THUMPD3: variants seen among roughly 807,000 people sequenced by gnomAD.
THUMPD3 encodes the protein THUMP domain 3 tRNA guanosine methyltransferase.
A neutral mutation model predicts 54.5 loss-of-function variants in THUMPD3; 44 were observed. That is an observed-to-expected ratio of 0.81 (90% confidence interval 0.63 to 1.04). The LOEUF (loss-of-function observed/expected upper bound fraction) is 1.04. Ranked by LOEUF, THUMPD3 falls within the 50% of genes least tolerant of loss-of-function variation. The pLI, the probability that THUMPD3 is intolerant of heterozygous loss-of-function variation, is 0.00. For missense variants in THUMPD3, 604 were observed against 601.3 expected (o/e 1.00, Z -0.05); for synonymous variants, 196 against 201.4 (o/e 0.97, Z 0.23).
At chr3:9,363,181 T>C (rs925822879) in intron 1 of THUMPD3, 54 bp downstream of exon 1, 1 of 152,244 alleles carries the variant, frequency 6.6e-6, no homozygotes, top group African/African-American at 2.4e-5. Context: ...TGTTTCAGCT[T>C]GGGGAGAGAG....
At chr3:9,379,398 T>TA (rs1257148953) in intron 6 of THUMPD3, among the ~76,000 whole-genome samples, 1 of 152,130 alleles carries the variant, frequency 6.6e-6, no homozygotes, top group Non-Finnish European at 1.5e-5. Flanking sequence ...AAGAAAAAGT[T>TA]ATGAAACACT....
chr3:9,371,634 A>G, intron 4 of THUMPD3, 98 bp downstream of exon 4: 1 of 1,055,574 alleles, frequency 9.5e-7, no homozygotes, highest in East Asian at 2.4e-5. Context: ...AACTGAGGAA[A>G]TAGTAGGGTG....
rs1481199479 is a variant in THUMPD3, at chr3:9,371,217, A to C, written c.488A>C (p.Glu163Ala). 5 of 1,611,312 alleles carry C rather than the reference A, an allele frequency of 3.1e-6. No homozygotes were observed. Among genetic ancestry groups the C allele is most frequent in the Non-Finnish European group, 4.2e-6 (5 of 1,179,402 alleles). The change falls in exon 4 of 10, where the codon GAA becomes GCA. Residue 163 changes from glutamate to alanine, a missense_variant. Physicochemically the swap from Glu to Ala is moderately radical, Grantham distance 107. Transcript: ENST00000452837. The part of the protein sequence containing the change: ...SSKEKINNGQ[E>A]VKIDQRNVKK... ...AAAGAGAAGATTAATAATGGACAAG[A>C]AGTCAAAATCGATCAGAGAAATGTT...
rs1294848165 is a variant in THUMPD3, at chr3:9,385,173, T to C, written c.*485T>C. 6.5e-6 allele frequency: 1 copy of C among 154,136 alleles called. No homozygotes were observed. Among genetic ancestry groups the C allele is most frequent in the Non-Finnish European group, 1.4e-5 (1 of 69,310 alleles). 9.5% of individuals were successfully genotyped at this position (154,136 alleles called of 1,614,324 possible). On this transcript the variant is annotated 3_prime_UTR_variant, in exon 10 of 10. Transcript: ENST00000452837. ...TTTTATAAGAAAGCAGAGCTTTTCC[T>C]TGAAGCTCTTTTGAAGTGGTAGCTT...
intron 7 of THUMPD3, among the ~76,000 whole-genome samples, chr3:9,381,756 CTTTTTTTTTTTTTTTTTTTTTTTTTT>C (rs753480713): frequency 1.8e-4 from 8 of 44,370 alleles, no homozygotes; most frequent in Admixed American, 1.0e-3. Flanking sequence ...TCAACCCGTA[CTTTTTTTTTTTTTTTTTTTTTTTTTT>C]TTTTTTTTTT....
intron 7 of THUMPD3, among the ~76,000 whole-genome samples, chr3:9,381,799 A>T (rs2032928182): frequency 3.5e-5 from 2 of 57,790 alleles, no homozygotes; most frequent in East Asian, 5.0e-4. Context: ...TTTTTTTTTG[A>T]GACGGAGTCT....
intron 9 of THUMPD3, 34 bp from the exon 10 acceptor site, chr3:9,384,490 C>A: frequency 1.2e-6 from 2 of 1,611,940 alleles, no homozygotes; most frequent in South Asian, 2.2e-5. Flanking sequence ...AGTAGATTGT[C>A]AACCTAATTG....
chr3:9,366,024 T>C (rs1335510154), intron 2 of THUMPD3, among the ~76,000 whole-genome samples: 1 of 152,184 alleles, frequency 6.6e-6, no homozygotes, highest in East Asian at 1.9e-4. Flanking sequence ...TGCTACATTT[T>C]TAGAGGTGAT....
At chr3:9,379,085 A>C (rs2032682201) in intron 6 of THUMPD3, among the ~76,000 whole-genome samples, 1 of 152,186 alleles carries the variant, frequency 6.6e-6, no homozygotes, top group African/African-American at 2.4e-5. Flanking sequence ...ATAAATTGAC[A>C]AGGTATATAT....
rs1176640338 is a variant in THUMPD3, at chr3:9,374,647, G to A, written c.938+1G>A. The A allele has an allele frequency of 6.2e-7, 1 of 1,612,818 alleles. No individual in the cohort carries two copies. Among genetic ancestry groups the A allele is most frequent in the South Asian group, 1.1e-5 (1 of 90,922 alleles). On this transcript the variant is annotated splice_donor_variant, in intron 5 of 9. Transcript: ENST00000452837. LOFTEE classifies it high-confidence loss of function. Reference sequence around the variant, plus strand: ...CAACTCTTGCCTATGGGATGCTCAGGTAAGAAAATGAGTTTGCCATCCAGC... The same window carrying A: ...CAACTCTTGCCTATGGGATGCTCAGATAAGAAAATGAGTTTGCCATCCAGC...
At chr3:9,368,257 C>G (rs1254641773) in intron 3 of THUMPD3, among the ~76,000 whole-genome samples, 1 of 151,792 alleles carries the variant, frequency 6.6e-6, no homozygotes. Flanking sequence ...TGGTCTCAAA[C>G]TTCTGGGCTC....
At chr3:9,366,252 A>G (rs1168775233) in intron 2 of THUMPD3, among the ~76,000 whole-genome samples, 1 of 152,200 alleles carries the variant, frequency 6.6e-6, no homozygotes, top group Non-Finnish European at 1.5e-5. Context: ...GAAAACTGCA[A>G]TCTCACTATC....
intron 7 of THUMPD3, 74 bp from the exon 8 acceptor site, chr3:9,383,122 TCTC>T (rs1277779238): frequency 3.2e-6 from 3 of 926,890 alleles, no homozygotes; most frequent in Non-Finnish European, 5.3e-6. Flanking sequence ...TGTAGCAGTC[TCTC>T]TTCAGAAACA....
chr3:9,384,724 A>G lies in THUMPD3; in HGVS notation c.*36A>G. 1.9e-6 allele frequency: 3 copies of G among 1,610,208 alleles called. No individual in the cohort carries two copies. In the South Asian group the frequency reaches 3.3e-5, roughly 18 times the overall value. ...TAGTACTTGTACTTCCCACCACTGGAAATGTTAGCATAAAAGAACTTGGAG... is the reference window on the plus strand; with the variant it reads ...TAGTACTTGTACTTCCCACCACTGGGAATGTTAGCATAAAAGAACTTGGAG... On this transcript the variant is annotated 3_prime_UTR_variant, in exon 10 of 10. Coordinates refer to ENST00000452837, the MANE Select transcript of THUMPD3 (RefSeq NM_001114092.2).
chr3:9,383,474 A>C (rs551639315), intron 8 of THUMPD3, among the ~76,000 whole-genome samples, 165 bp downstream of exon 8: 75 of 152,340 alleles, frequency 4.9e-4, no homozygotes, highest in African/African-American at 1.7e-3. Flanking sequence ...GAACTCAGGA[A>C]TGTATTAACT....
rs1318255998 is a variant in THUMPD3 at position 9,365,101 on chromosome 3, C to G, written c.33C>G (p.Leu11=). Residue 11 remains leucine, a synonymous_variant, in exon 2 of 10, where the codon CTC becomes CTG. Coordinates refer to ENST00000452837, the MANE Select transcript of THUMPD3 (RefSeq NM_001114092.2). MCDIEEATNQ[L]LDVNLHENQK... ...ACATTGAAGAAGCCACTAACCAACT[C>G]CTAGATGTGAACCTTCATGAGAACC... 1 of 1,614,186 alleles carries G rather than the reference C, an allele frequency of 6.2e-7. No individual in the cohort carries two copies. Among genetic ancestry groups the G allele is most frequent in the Non-Finnish European group, 8.5e-7 (1 of 1,180,032 alleles).
At chr3:9,379,905 G>A (rs2032748753) in intron 6 of THUMPD3, among the ~76,000 whole-genome samples, 1 of 152,088 alleles carries the variant, frequency 6.6e-6, no homozygotes, top group Non-Finnish European at 1.5e-5. Flanking sequence ...TCCCAGGCTG[G>A]TCTCAAACTC....
intron 1 of THUMPD3, chr3:9,363,333 G>A (rs996422474): frequency 6.6e-6 from 1 of 152,246 alleles, no homozygotes; most frequent in East Asian, 1.9e-4. Flanking sequence ...GTTGGGAGAC[G>A]TGAGTTCTCT....
At position 9,386,421 on chromosome 3, in the gene THUMPD3, A is replaced by G. The variant is rs1462855081; in HGVS notation, c.*1733A>G. On this transcript the variant is annotated 3_prime_UTR_variant, in exon 10 of 10. Transcript: ENST00000452837. Reference sequence around the variant, plus strand: ...CCCCCCACTAAGGGCAGGGTATTGTATCTGCCAGACTGGGTATTTGTTGAA... The same window carrying G: ...CCCCCCACTAAGGGCAGGGTATTGTGTCTGCCAGACTGGGTATTTGTTGAA... 8.0e-6 allele frequency: 1 copy of G among 125,502 alleles called. No individual in the cohort carries two copies. Among genetic ancestry groups the G allele is most frequent in the African/African-American group, 3.0e-5 (1 of 33,466 alleles). The allele number at this position is 125,502 out of a possible 1,614,324, so 7.8% of individuals were successfully genotyped here.
Sources: allele counts gnomAD v4.1 joint callset (sites outside exome capture counted in the v4.1 genomes callset), GRCh38; gene constraint gnomAD v4.1.1; transcripts MANE v1.5; gene names NCBI Gene and HGNC (gene_info 2026-07-23, HGNC 2026-07-21).